The following ATAD2B variants were observed in gnomAD, a reference collection of about 807,000 sequenced individuals.
The protein encoded by ATAD2B is ATPase family AAA domain containing 2B, also known as ATPase family AAA domain-containing protein 2B.
Under a neutral mutation model 167.6 loss-of-function variants are expected in ATAD2B, and 40 were observed. The observed-to-expected ratio is 0.24, with a 90% CI of 0.19 to 0.31. ATAD2B has a LOEUF of 0.31. Among genes scored for constraint, ATAD2B ranks in the 10% least tolerant of loss-of-function variants. ATAD2B has a pLI of 1.00. For synonymous variants in ATAD2B, 579 were observed against 596.5 expected (o/e 0.97, Z 0.43); for missense variants, 1,242 against 1,757.2 (o/e 0.71, Z 5.24).
At chr2:23,908,025 C>T (rs556474627) in intron 1 of ATAD2B, among the ~76,000 whole-genome samples, 186 of 152,132 alleles carry the variant, frequency 1.2e-3, no homozygotes, top group Admixed American at 3.2e-3. Context: ...AGACCTAAAA[C>T]CATAAAAACC....
chr2:23,867,829 A>T lies in ATAD2B; in HGVS notation c.1188+6T>A. On this transcript the variant is annotated splice_donor_region_variant and intron_variant, in intron 10 of 27. Transcript: ENST00000238789. ...AAACTTCTAGAAAAACATTTACAAAACTTACTGATTTATCAATGTTCATTG... is the reference window on the plus strand; with the variant it reads ...AAACTTCTAGAAAAACATTTACAAATCTTACTGATTTATCAATGTTCATTG... The T allele has an allele frequency of 6.3e-7, 1 of 1,579,176 alleles. No homozygotes were observed. Among genetic ancestry groups the T allele is most frequent in the East Asian group, 2.2e-5 (1 of 44,700 alleles).
intron 1 of ATAD2B, among the ~76,000 whole-genome samples, chr2:23,906,359 A>G (rs1701494102): frequency 6.6e-6 from 1 of 152,088 alleles, no homozygotes; most frequent in Admixed American, 6.6e-5. Context: ...AAGAAAGGTC[A>G]TTTTCTGCTA....
At chr2:23,861,213 T>C (rs779837830) in intron 12 of ATAD2B, among the ~76,000 whole-genome samples, 9 of 150,758 alleles carry the variant, frequency 6.0e-5, no homozygotes, top group Non-Finnish European at 1.2e-4. Flanking sequence ...GCATATTACG[T>C]GCCAGTCACT....
At chr2:23,778,271 T>C (rs1371629476) in intron 22 of ATAD2B, among the ~76,000 whole-genome samples, 4 of 152,220 alleles carry the variant, frequency 2.6e-5, no homozygotes, top group Admixed American at 1.3e-4. Context: ...CTGCATTTTG[T>C]AGTAAAATAT....
downstream of ATAD2B, among the ~76,000 whole-genome samples, chr2:23,746,316 G>T (rs1369585335): frequency 6.6e-6 from 1 of 152,166 alleles, no homozygotes; most frequent in Non-Finnish European, 1.5e-5. Flanking sequence ...CTATAACTCA[G>T]TTTCCTGATC....
At chr2:23,788,284 T>C (rs927664182) in intron 20 of ATAD2B, 9 of 486,856 alleles carry the variant, frequency 1.8e-5, no homozygotes, top group East Asian at 1.2e-4. Context: ...CAGGATGTGG[T>C]TGAAGTCATA....
the ATAD2B span, among the ~76,000 whole-genome samples, chr2:23,731,460 G>C: frequency 6.6e-6 from 1 of 152,102 alleles, no homozygotes; most frequent in East Asian, 1.9e-4. Flanking sequence ...CAGACTCTAC[G>C]TGCCTCCTAA....
intron 7 of ATAD2B, among the ~76,000 whole-genome samples, chr2:23,878,028 A>AAAAAAAAAAAAAAAAAAAAAAAC: frequency 6.9e-6 from 1 of 145,306 alleles, no homozygotes; most frequent in Non-Finnish European, 1.5e-5. Flanking sequence ...AAAAAAAAAA[A>AAAAAAAAAAAAAAAAAAAAAAAC]AAAAAAAAAA....
At chr2:23,873,357 T>C (rs1345097121) in intron 8 of ATAD2B, among the ~76,000 whole-genome samples, 1 of 152,156 alleles carries the variant, frequency 6.6e-6, no homozygotes, top group Non-Finnish European at 1.5e-5. Flanking sequence ...CCTATAAACA[T>C]ATACAGTCAT....
At chr2:23,713,495 G>A in the ATAD2B span, among the ~76,000 whole-genome samples, 1 of 151,486 alleles carries the variant, frequency 6.6e-6, no homozygotes, top group Non-Finnish European at 1.5e-5. Context: ...TTCACGAATT[G>A]AGCAACAATA....
At chr2:23,738,572 C>T in the ATAD2B span, among the ~76,000 whole-genome samples, 2 of 152,334 alleles carry the variant, frequency 1.3e-5, no homozygotes, top group East Asian at 3.9e-4. Flanking sequence ...AAAGGAACAA[C>T]TGGTACCAGC....
At chr2:23,859,420 C>G (rs1693979896) in intron 12 of ATAD2B, among the ~76,000 whole-genome samples, 2 of 152,074 alleles carry the variant, frequency 1.3e-5, no homozygotes, top group Admixed American at 1.3e-4. Flanking sequence ...TCAATTCTCC[C>G]GCCTCAGCCA....
chr2:23,775,796 G>C (rs1442226397), intron 22 of ATAD2B, among the ~76,000 whole-genome samples: 1 of 152,004 alleles, frequency 6.6e-6, no homozygotes, highest in Non-Finnish European at 1.5e-5. Flanking sequence ...ACTCCTCTAC[G>C]ATGATGACTC....
chr2:23,874,813 T>C (rs1369876971), intron 8 of ATAD2B, among the ~76,000 whole-genome samples: 1 of 152,122 alleles, frequency 6.6e-6, no homozygotes, highest in African/African-American at 2.4e-5. Flanking sequence ...TGCCAGCACT[T>C]TGGGAGGCCA....
chr2:23,698,241 G>A, the ATAD2B span, among the ~76,000 whole-genome samples: 2 of 150,066 alleles, frequency 1.3e-5, no homozygotes, highest in Non-Finnish European at 3.0e-5. Flanking sequence ...AGGGTGCCCT[G>A]AAGGGCCCTG....
At chr2:23,730,391 G>C in the ATAD2B span, among the ~76,000 whole-genome samples, 1 of 151,942 alleles carries the variant, frequency 6.6e-6, no homozygotes. Context: ...GTCAGGCCGG[G>C]CACAGTGGCT....
At chr2:23,693,555 TTC>T in the ATAD2B span, 2 of 1,536,112 alleles carry the variant, frequency 1.3e-6, no homozygotes, top group African/African-American at 2.7e-5. Context: ...CCCCCGCCCC[TTC>T]TCTCTGGGTT....
chr2:23,901,074 T>C (rs1451816675), intron 1 of ATAD2B: 1 of 153,140 alleles, frequency 6.5e-6, no homozygotes, highest in Non-Finnish European at 1.5e-5. Flanking sequence ...CTCAATATTA[T>C]TAATACAAGA....
At chr2:23,717,531 A>G in the ATAD2B span, among the ~76,000 whole-genome samples, 6 of 152,204 alleles carry the variant, frequency 3.9e-5, no homozygotes, top group Non-Finnish European at 8.8e-5. Flanking sequence ...GTGAGATTTC[A>G]GAAAGTCAGC....
Sources: allele counts gnomAD v4.1 joint callset (sites outside exome capture counted in the v4.1 genomes callset), GRCh38; gene constraint gnomAD v4.1.1; transcripts MANE v1.5; gene names NCBI Gene and HGNC (gene_info 2026-07-23, HGNC 2026-07-21).